ATG10: variants seen among roughly 807,000 people sequenced by gnomAD.
ATG10 encodes the protein autophagy related 10.
ATG10 carries 30 observed loss-of-function variants against 32.1 expected under a neutral mutation model. The observed-to-expected ratio is 0.94, with a 90% CI of 0.70 to 1.27. The LOEUF is 1.27. ATG10 is among the 50% of genes most tolerant of loss of function. The probability of loss-of-function intolerance (pLI) is 0.00; values close to 1 mark genes in which losing one functional copy is unlikely to be tolerated. For synonymous variants in ATG10, 87 were observed against 91.5 expected (o/e 0.95, Z 0.28); for missense variants, 233 against 262.3 (o/e 0.89, Z 0.77).
chr5:82,235,416 G>C (rs1027037337), intron 5 of ATG10, among the ~76,000 whole-genome samples: 1 of 152,166 alleles, frequency 6.6e-6, no homozygotes, highest in Non-Finnish European at 1.5e-5. Flanking sequence ...TACTCCCACT[G>C]TTTTCTTCTC....
chr5:82,135,318 AG>A, intron 3 of ATG10, among the ~76,000 whole-genome samples: 3 of 152,050 alleles, frequency 2.0e-5, no homozygotes, highest in Middle Eastern at 6.8e-3. Context: ...TGTGATGTTA[AG>A]GTGTCAATTT....
chr5:82,136,590 G>T lies in ATG10; in HGVS notation c.217-27809G>T, dbSNP rs148220576. Among the ~76,000 whole-genome samples, 724 of 152,308 alleles carry T rather than the reference G, an allele frequency of 4.8e-3. 3 individuals carry two copies. The highest frequency in any genetic ancestry group is 0.014 in the Middle Eastern group (4 of 294). On this transcript the variant is annotated intron_variant, in intron 3 of 7. Transcript: ENST00000282185. The stretch of plus-strand genomic sequence containing the variant: ...CTGGCTTGTAGGGTTTCTGCAGAGA[G>T]ATCCACTGTTAGTCTGATGGGCTTC...
chr5:82,100,166 A>C (rs979630545), intron 3 of ATG10, among the ~76,000 whole-genome samples: 1 of 150,636 alleles, frequency 6.6e-6, no homozygotes, highest in African/African-American at 2.4e-5. Flanking sequence ...CTGCCACCAC[A>C]CCCAGCTAAT....
At chr5:81,996,571 C>G (rs1267988246) in intron 2 of ATG10, among the ~76,000 whole-genome samples, 4 of 152,194 alleles carry the variant, frequency 2.6e-5, no homozygotes, top group African/African-American at 4.8e-5. Flanking sequence ...CCAGGCCATG[C>G]TCTAGACTCC....
At chr5:82,238,174 T>C (rs1374565654) in intron 5 of ATG10, among the ~76,000 whole-genome samples, 2 of 152,192 alleles carry the variant, frequency 1.3e-5, no homozygotes, top group Admixed American at 6.5e-5. Flanking sequence ...CTCCACCTTA[T>C]AGCAGGGAGT....
At chr5:82,067,380 T>C (rs528438119) in intron 3 of ATG10, among the ~76,000 whole-genome samples, 1 of 152,298 alleles carries the variant, frequency 6.6e-6, no homozygotes, top group Non-Finnish European at 1.5e-5. Context: ...AAAGTGTTTG[T>C]TTACTCATTC....
chr5:82,046,624 T>C (rs1273503039), intron 2 of ATG10, among the ~76,000 whole-genome samples: 1 of 152,204 alleles, frequency 6.6e-6, no homozygotes, highest in African/African-American at 2.4e-5. Flanking sequence ...TCACTTCCCC[T>C]GTTCTCTTGA....
At chr5:82,201,820 G>A (rs1745080932) in intron 5 of ATG10, among the ~76,000 whole-genome samples, 1 of 152,024 alleles carries the variant, frequency 6.6e-6, no homozygotes, top group African/African-American at 2.4e-5. Flanking sequence ...TCATTAGTAT[G>A]TTATTGTTTT....
At chr5:82,102,363 T>C (rs901135) in intron 3 of ATG10, among the ~76,000 whole-genome samples, 143,496 of 152,188 alleles carry the variant, frequency 0.94, 67,703 homozygotes, top group East Asian at 1. Flanking sequence ...TTTAGGCTAT[T>C]GTGTCCTTCC....
chr5:82,178,986 A>C (rs2149924421), intron 5 of ATG10, among the ~76,000 whole-genome samples: 1 of 152,276 alleles, frequency 6.6e-6, no homozygotes, highest in Non-Finnish European at 1.5e-5. Context: ...TCTACTAAAC[A>C]TGAAAGCTTA....
intron 3 of ATG10, among the ~76,000 whole-genome samples, chr5:82,065,753 T>A (rs1763925512): frequency 6.6e-6 from 1 of 152,156 alleles, no homozygotes; most frequent in Non-Finnish European, 1.5e-5. Context: ...TATTGAAGCC[T>A]TATTTCTATA....
At chr5:82,033,400 C>T (rs777294787) in intron 2 of ATG10, among the ~76,000 whole-genome samples, 45 of 150,724 alleles carry the variant, frequency 3.0e-4, no homozygotes, top group South Asian at 4.2e-4. Context: ...TGCAGTGGCA[C>T]GATCTCGGTT....
At chr5:82,218,115 A>G (rs1429275946) in intron 5 of ATG10, among the ~76,000 whole-genome samples, 1 of 150,904 alleles carries the variant, frequency 6.6e-6, no homozygotes, top group Non-Finnish European at 1.5e-5. Context: ...ATTTTAACCT[A>G]TCAGTTACAT....
At chr5:82,080,937 A>G (rs147697107) in intron 3 of ATG10, among the ~76,000 whole-genome samples, 5,873 of 152,248 alleles carry the variant, frequency 0.039, 396 homozygotes, top group African/African-American at 0.13. Flanking sequence ...CACTGAATCT[A>G]TAAATTACCT....
intron 2 of ATG10, among the ~76,000 whole-genome samples, chr5:82,016,080 C>A (rs983691731): frequency 4.6e-5 from 7 of 152,236 alleles, no homozygotes; most frequent in Admixed American, 3.9e-4. Context: ...TGTGCATAAG[C>A]TTTTTAAATT....
chr5:82,046,698 T>C (rs775641479), intron 2 of ATG10, among the ~76,000 whole-genome samples: 3 of 152,200 alleles, frequency 2.0e-5, no homozygotes, highest in African/African-American at 2.4e-5. Context: ...TTCATTTCAC[T>C]AAAAACTGGG....
At chr5:82,197,609 C>A (rs898041959) in intron 5 of ATG10, among the ~76,000 whole-genome samples, 2 of 152,010 alleles carry the variant, frequency 1.3e-5, no homozygotes, top group Non-Finnish European at 2.9e-5. Flanking sequence ...TACATTACTT[C>A]CCATTGTCCT....
chr5:82,083,531 C>T (rs1407180290), intron 3 of ATG10, among the ~76,000 whole-genome samples: 1 of 152,216 alleles, frequency 6.6e-6, no homozygotes. Flanking sequence ...CAGACTGCCT[C>T]CTCAAGTGGG....
chr5:82,026,593 T>G (rs1242864404), intron 2 of ATG10, among the ~76,000 whole-genome samples: 2 of 152,170 alleles, frequency 1.3e-5, no homozygotes, highest in East Asian at 1.9e-4. Flanking sequence ...TTGACTGACT[T>G]AGTTTTTGCC....
Sources: gnomAD v4.1 joint callset for allele counts (sites outside exome capture counted in the v4.1 genomes callset) on GRCh38, gnomAD v4.1.1 for gene constraint, MANE v1.5 for transcripts, NCBI Gene and HGNC (gene_info 2026-07-23, HGNC 2026-07-21) for gene names.